SERPINA9: variants seen among roughly 807,000 people sequenced by gnomAD.
The protein encoded by SERPINA9 is serpin A9.
Under a neutral mutation model 24.5 loss-of-function variants are expected in SERPINA9, and 32 were observed. The observed-to-expected ratio is 1.30, with a 90% CI of 0.98 to 1.75. The LOEUF (loss-of-function observed/expected upper bound fraction) is 1.75, where lower values mean the gene tolerates loss of function less well. Ranked by LOEUF, SERPINA9 falls within the 40% of genes most tolerant of loss-of-function variation. SERPINA9 has a pLI of 0.00. For missense variants in SERPINA9, 594 were observed against 497.1 expected (o/e 1.19, Z -1.85); for synonymous variants, 233 against 197.7 (o/e 1.18, Z -1.50).
chr14:94,462,916 T>C lies in SERPINA9; in HGVS notation c.*177A>G, dbSNP rs1898806683. The C allele has an allele frequency of 4.9e-6, 3 of 609,982 alleles. No individual in the cohort carries two copies. The highest frequency in any genetic ancestry group is 4.4e-4 in the Middle Eastern group (1 of 2,250). The allele number at this position is 609,982 out of a possible 1,614,324, so 37.8% of individuals were successfully genotyped here. A position where few individuals can be genotyped will look rare whatever the true frequency, so the allele number is the denominator to read the frequency against. ...GGGCACTGACTGGGGTTAATGGGTGTTGGCTTGTGACTGGGGTCCCTGTTG... is the reference window on the plus strand; with the variant it reads ...GGGCACTGACTGGGGTTAATGGGTGCTGGCTTGTGACTGGGGTCCCTGTTG... On this transcript the variant is annotated 3_prime_UTR_variant, in exon 5 of 5. Transcript: ENST00000674397.
intron 2 of SERPINA9, among the ~76,000 whole-genome samples, 194 bp from the exon 3 acceptor site, chr14:94,467,576 T>G (rs1441004812): frequency 6.6e-6 from 1 of 152,204 alleles, no homozygotes; most frequent in Admixed American, 6.5e-5. Flanking sequence ...AATGGTGAAT[T>G]TTATGACATG....
rs370139069 is a variant in SERPINA9 at position 94,469,747 on chromosome 14, G to T, written c.94C>A (p.Arg32Ser). ...SPANAPSAYP[R>S]PSSTKSTPAS... ...GGGGTGCTCTTTGTGGAGGAAGGGC[G>T]GGGGTATGCACTGGGGGCATTGGCC... Residue 32 changes from arginine to serine, a missense_variant, in exon 2 of 5, where the codon CGC becomes AGC. Coordinates refer to ENST00000674397, the MANE Select transcript of SERPINA9 (RefSeq NM_175739.4). 56 of 1,578,536 alleles carry T rather than the reference G, an allele frequency of 3.5e-5. No individual in the cohort carries two copies. The Admixed American group carries it at 9.7e-4, about 27-fold the overall frequency.
At chr14:94,463,531 A>C (rs1000455415) in intron 4 of SERPINA9, among the ~76,000 whole-genome samples, 14 of 152,192 alleles carry the variant, frequency 9.2e-5, no homozygotes, top group Admixed American at 3.3e-4. Context: ...GACCGGAGTG[A>C]GTCTCAGTTC....
rs1899039395 is a variant in SERPINA9, at chr14:94,467,132, C to T, written c.879G>A (p.Lys293=). 4 of 1,614,122 alleles carry T rather than the reference C, an allele frequency of 2.5e-6. No individual in the cohort carries two copies. Among genetic ancestry groups the T allele is most frequent in the Non-Finnish European group, 3.4e-6 (4 of 1,179,980 alleles). ...ACCTTTTCTGGAGTGAGTGGCTCCACTTTCTCAGTGTTCTGGCTGACAAGG... is the reference window on the plus strand; with the variant it reads ...ACCTTTTCTGGAGTGAGTGGCTCCATTTTCTCAGTGTTCTGGCTGACAAGG... ...EQALSARTLR[K]WSHSLQKRWI... The change falls in exon 3 of 5, where the codon AAG becomes AAA. Residue 293 remains lysine (K), a synonymous_variant. Transcript: ENST00000674397.
At chr14:94,472,935 G>C (rs759541697) in intron 1 of SERPINA9, among the ~76,000 whole-genome samples, 1 of 152,200 alleles carries the variant, frequency 6.6e-6, no homozygotes, top group African/African-American at 2.4e-5. Flanking sequence ...CACAGAAGCC[G>C]GCAGGAAGGG....
chr14:94,463,912 C>T (rs145637668), intron 4 of SERPINA9, among the ~76,000 whole-genome samples: 151 of 152,296 alleles, frequency 9.9e-4, no homozygotes, highest in African/African-American at 3.6e-3. Flanking sequence ...CCAGTGGGGC[C>T]TCTCAACATT....
intron 4 of SERPINA9, among the ~76,000 whole-genome samples, chr14:94,464,065 G>A (rs1449005207): frequency 2.6e-5 from 4 of 152,104 alleles, no homozygotes; most frequent in African/African-American, 7.2e-5. Context: ...ATTAACTGAC[G>A]GAGACTTCTT....
At chr14:94,471,749 T>A (rs1899329831) in intron 1 of SERPINA9, among the ~76,000 whole-genome samples, 1 of 143,530 alleles carries the variant, frequency 7.0e-6, no homozygotes, top group Non-Finnish European at 1.5e-5. Flanking sequence ...TCTCCCTTTC[T>A]CCAAGAAGGC....
intron 1 of SERPINA9, among the ~76,000 whole-genome samples, chr14:94,474,720 G>A (rs949625817): frequency 3.3e-5 from 5 of 152,050 alleles, no homozygotes; most frequent in African/African-American, 9.7e-5. Context: ...GGCACTGCTC[G>A]TTGGGGTGAC....
chr14:94,475,882 A>C (rs2139831225), intron 1 of SERPINA9: 2 of 517,126 alleles, frequency 3.9e-6, no homozygotes, highest in Middle Eastern at 5.1e-4. Flanking sequence ...CTTGTGGCCC[A>C]AATTTTCAAG....
chr14:94,470,980 G>A lies in SERPINA9; in HGVS notation c.-17-1123C>T, dbSNP rs1454136921. ...GTGTATGAATCCAATGCAAGGCCAG[G>A]GGAGGTCTGTGCTCAGCCAGAGGGG... On this transcript the variant is annotated intron_variant, in intron 1 of 4. Transcript: ENST00000674397. Among the ~76,000 whole-genome samples, 2 of 152,186 alleles carry A rather than the reference G, an allele frequency of 1.3e-5. 1 individual carries two copies. The highest frequency in any genetic ancestry group is 4.1e-4 in the South Asian group (2 of 4,828).
intron 1 of SERPINA9, among the ~76,000 whole-genome samples, chr14:94,471,408 A>C (rs1899312669): frequency 1.3e-5 from 2 of 152,340 alleles, no homozygotes; most frequent in South Asian, 4.1e-4. Context: ...GACCAAGCAT[A>C]ATGTGACAGC....
intron 1 of SERPINA9, among the ~76,000 whole-genome samples, chr14:94,470,990 T>C (rs1899287515): frequency 6.6e-6 from 1 of 152,236 alleles, no homozygotes; most frequent in South Asian, 2.1e-4. Flanking sequence ...GGGAGGTCTG[T>C]GCTCAGCCAG....
chr14:94,475,456 ACAC>A (rs1899557393), intron 1 of SERPINA9, among the ~76,000 whole-genome samples: 3 of 151,890 alleles, frequency 2.0e-5, no homozygotes, highest in African/African-American at 4.8e-5. Context: ...ACACACACAC[ACAC>A]ACACTGAGCA....
intron 1 of SERPINA9, among the ~76,000 whole-genome samples, chr14:94,474,684 G>A (rs1023348238): frequency 6.6e-5 from 10 of 152,052 alleles, no homozygotes; most frequent in Non-Finnish European, 1.5e-4. Flanking sequence ...GCTGTGGCCC[G>A]GGTTTATGTG....
intron 1 of SERPINA9, among the ~76,000 whole-genome samples, chr14:94,474,629 C>A (rs1733659962): frequency 6.6e-6 from 1 of 152,212 alleles, no homozygotes; most frequent in African/African-American, 2.4e-5. Flanking sequence ...CCTGTGGCCA[C>A]CCCTTCTCTC....
chr14:94,476,037 C>A, intron 1 of SERPINA9, 99 bp downstream of exon 1: 1 of 1,566,168 alleles, frequency 6.4e-7, no homozygotes, highest in Non-Finnish European at 8.7e-7. Context: ...TTTGACTTCC[C>A]AGCTGCATTT....
chr14:94,464,544 G>A, intron 4 of SERPINA9, 163 bp downstream of exon 4: 1 of 614,304 alleles, frequency 1.6e-6, no homozygotes, highest in Non-Finnish European at 2.8e-6. Context: ...GCATGCCAGA[G>A]GGATGGTGGC....
At position 94,463,064 on chromosome 14, in the gene SERPINA9, G is replaced by T; in HGVS notation, c.*29C>A. ...TTGTTATTTCTTGTGCATTAGCAAT[G>T]TGCCATCAGTTAACAGGCCATTTCC... On this transcript the variant is annotated 3_prime_UTR_variant, in exon 5 of 5. Coordinates refer to ENST00000674397, the MANE Select transcript of SERPINA9 (RefSeq NM_175739.4). The T allele has an allele frequency of 6.5e-7, 1 of 1,533,168 alleles. No homozygotes were observed. The highest frequency in any genetic ancestry group is 1.4e-5 in the African/African-American group (1 of 73,616). The allele number at this position is 1,533,168 out of a possible 1,614,324, so 95.0% of individuals were successfully genotyped here. A position where few individuals can be genotyped will look rare whatever the true frequency, so the allele number is the denominator to read the frequency against.
Sources: gnomAD v4.1 joint callset for allele counts (sites outside exome capture counted in the v4.1 genomes callset) on GRCh38, gnomAD v4.1.1 for gene constraint, MANE v1.5 for transcripts, NCBI Gene and HGNC (gene_info 2026-07-23, HGNC 2026-07-21) for gene names.